The following TPO variants were observed in gnomAD, a reference collection of about 807,000 sequenced individuals.
The protein encoded by TPO is thyroid microsomal antigen.
In TPO, 78 loss-of-function variants were observed where a neutral mutation model predicts 96.9. The observed-to-expected ratio is 0.81, with a 90% confidence interval of 0.67 to 0.97. The LOEUF is 0.97. Among genes scored for constraint, TPO ranks in the 50% least tolerant of loss-of-function variants. The pLI is 0.00. For missense variants in TPO, 1,252 were observed against 1,274.8 expected (o/e 0.98, Z 0.27); for synonymous variants, 547 against 538.0 (o/e 1.02, Z -0.23).
At chr2:1,453,335 A>G (rs1417084992) in intron 5 of TPO, among the ~76,000 whole-genome samples, 2 of 152,198 alleles carry the variant, frequency 1.3e-5, no homozygotes, top group Non-Finnish European at 2.9e-5. Context: ...CTTTGTTTGG[A>G]GTACCAGAAG....
intron 7 of TPO, among the ~76,000 whole-genome samples, chr2:1,474,432 C>G (rs1274382713): frequency 6.6e-6 from 1 of 152,136 alleles, no homozygotes; most frequent in Non-Finnish European, 1.5e-5. Flanking sequence ...TCATCAGAGG[C>G]CAATACAAAA....
intron 13 of TPO, 94 bp downstream of exon 13, chr2:1,496,859 G>C: frequency 6.3e-7 from 1 of 1,580,334 alleles, no homozygotes; most frequent in South Asian, 1.1e-5. Context: ...TCGCCAAAAG[G>C]TGCTTCTGAA....
At chr2:1,516,403 C>T (rs76948974) in intron 14 of TPO, among the ~76,000 whole-genome samples, 1 of 152,226 alleles carries the variant, frequency 6.6e-6, no homozygotes, top group South Asian at 2.1e-4. Context: ...CACGGTTTCA[C>T]CTCCAGGAGG....
At chr2:1,481,516 T>C (rs79390609) in intron 8 of TPO, among the ~76,000 whole-genome samples, 250 of 152,260 alleles carry the variant, frequency 1.6e-3, no homozygotes, top group Middle Eastern at 0.01. Flanking sequence ...TTTGGATGTG[T>C]GTGGAGGTAG....
At chr2:1,497,483 C>T (rs903988522) in intron 13 of TPO, among the ~76,000 whole-genome samples, 2 of 152,144 alleles carry the variant, frequency 1.3e-5, no homozygotes, top group African/African-American at 2.4e-5. Flanking sequence ...GAGGCAGAGC[C>T]CTCTGGGTGC....
chr2:1,433,710 A>T, intron 4 of TPO, 103 bp downstream of exon 4: 1 of 1,381,228 alleles, frequency 7.2e-7, no homozygotes, highest in Non-Finnish European at 1.0e-6. Flanking sequence ...TTTACTTGAG[A>T]CCAAGCAGGA....
intron 15 of TPO, among the ~76,000 whole-genome samples, chr2:1,538,178 C>A (rs77198231): frequency 6.6e-6 from 1 of 150,542 alleles, no homozygotes; most frequent in East Asian, 1.9e-4. Context: ...TCAAATCCCC[C>A]CTGCAGGGAG....
In TPO at chr2:1,425,510, A is replaced by T. The variant is rs1664270119; in HGVS notation, c.179+2381A>T. Among the ~76,000 whole-genome samples the T allele has an allele frequency of 2.0e-5, 3 of 150,978 alleles. No homozygotes were observed. The South Asian group carries it at 6.3e-4, about 32-fold the overall frequency. ...CTCAGAAGTCCGTACTCCTTCTGTAAAGTCATCGTTCTAGATGCCGGGATA... is the reference window on the plus strand; with the variant it reads ...CTCAGAAGTCCGTACTCCTTCTGTATAGTCATCGTTCTAGATGCCGGGATA... On this transcript the variant is annotated intron_variant, in intron 3 of 16. Transcript: ENST00000329066.
intron 9 of TPO, among the ~76,000 whole-genome samples, chr2:1,485,523 C>A (rs1178422719): frequency 6.6e-6 from 1 of 151,834 alleles, no homozygotes; most frequent in Non-Finnish European, 1.5e-5. Context: ...GTCCCACCAA[C>A]AGTGTAAAAG....
intron 2 of TPO, among the ~76,000 whole-genome samples, chr2:1,422,337 C>CGTGCAGGCGCCGCG (rs1663710934): frequency 6.6e-4 from 55 of 83,230 alleles, no homozygotes; most frequent in African/African-American, 1.0e-3. Context: ...AGGCGCCTCT[C>CGTGCAGGCGCCGCG]CTGGACCGAC....
intron 7 of TPO, among the ~76,000 whole-genome samples, chr2:1,475,713 AAGTGCTGGG>A (rs1669855813): frequency 2.0e-5 from 3 of 152,094 alleles, no homozygotes; most frequent in Non-Finnish European, 4.4e-5. Flanking sequence ...CAGCCTCCCA[AAGTGCTGGG>A]ATTACAGGCG....
chr2:1,419,417 G>A (rs1663280497), intron 2 of TPO, among the ~76,000 whole-genome samples: 1 of 152,198 alleles, frequency 6.6e-6, no homozygotes, highest in Admixed American at 6.5e-5. Context: ...CTGGTGGCAG[G>A]AGAGCTAATG....
At chr2:1,406,261 T>C (rs970100961) in intron 1 of TPO, among the ~76,000 whole-genome samples, 1 of 152,262 alleles carries the variant, frequency 6.6e-6, no homozygotes, top group African/African-American at 2.4e-5. Flanking sequence ...TGCATTCTAA[T>C]GTGTATAGAT....
intron 1 of TPO, among the ~76,000 whole-genome samples, chr2:1,393,313 C>T (rs768391828): frequency 1.8e-4 from 28 of 152,222 alleles, no homozygotes; most frequent in Admixed American, 3.3e-4. Flanking sequence ...CGTGAGAAAT[C>T]GCCCATGACC....
chr2:1,515,100 C>T lies in TPO; in HGVS notation c.2519-1783C>T, dbSNP rs113410104. ...ATTCCAGAATGAATTTCCACGGCTG[C>T]CCTGTCCTGACTGCCCTGACCTGGC... On this transcript the variant is annotated intron_variant, in intron 14 of 16. Transcript: ENST00000329066. Among the ~76,000 whole-genome samples, 1,187 of 152,322 alleles carry T rather than the reference C, an allele frequency of 7.8e-3. 15 individuals are homozygous for T. The highest frequency in any genetic ancestry group is 0.027 in the African/African-American group (1,119 of 41,570).
Position 1,433,537 on chromosome 2 carries a change from A to C in TPO, c.279A>C (p.Ile93=). ...GAGTGATTGCCCGAGCAGCAGAGAT[A>C]ATGGAAACATCAATACAAGCGATGA... The part of the protein sequence containing the change: ...TSGVIARAAE[I]METSIQAMKR... The change falls in exon 4 of 17, where the codon ATA becomes ATC. Residue 93 remains isoleucine (I), a synonymous_variant. Transcript: ENST00000329066. The C allele has an allele frequency of 6.2e-7, 1 of 1,614,202 alleles. No individual in the cohort carries two copies. The highest frequency in any genetic ancestry group is 1.1e-5 in the South Asian group (1 of 91,074).
chr2:1,542,168 G>GCGGATTGCAGATC (rs1243040805), intron 16 of TPO: 2 of 592,090 alleles, frequency 3.4e-6, no homozygotes, highest in African/African-American at 3.7e-5. Context: ...GACCCTGCCT[G>GCGGATTGCAGATC]CGGATTGCAG....
At chr2:1,400,568 C>CAAAAAAAAAAAAAAAAAAAAAAAAA (rs34242408) in intron 1 of TPO, among the ~76,000 whole-genome samples, 2 of 71,604 alleles carry the variant, frequency 2.8e-5, no homozygotes, top group African/African-American at 1.1e-4. Context: ...GACTCTGTCT[C>CAAAAAAAAAAAAAAAAAAAAAAAAA]AAAAAAAAAA....
chr2:1,433,377 A>G, intron 3 of TPO, 61 bp from the exon 4 acceptor site: 2 of 1,596,514 alleles, frequency 1.3e-6, no homozygotes, highest in South Asian at 2.2e-5. Context: ...TTAATTAGTA[A>G]TTAAGTACCA....
Sources: allele counts gnomAD v4.1 joint callset (sites outside exome capture counted in the v4.1 genomes callset), GRCh38; gene constraint gnomAD v4.1.1; transcripts MANE v1.5; gene names NCBI Gene and HGNC (gene_info 2026-07-23, HGNC 2026-07-21).